CCDC7: variants seen among roughly 807,000 people sequenced by gnomAD.
CCDC7 encodes coiled-coil domain-containing protein 7.
CCDC7 carries 183 observed loss-of-function variants against 196.9 expected under a neutral mutation model. The ratio of observed to expected loss-of-function variants is 0.93; its 90% CI spans 0.82 to 1.05. The LOEUF is 1.05. Ranked by LOEUF, CCDC7 falls within the 50% of genes least tolerant of loss-of-function variation. The probability of loss-of-function intolerance (pLI) is 0.00; values close to 1 mark genes in which losing one functional copy is unlikely to be tolerated. For synonymous variants in CCDC7, 525 were observed against 484.6 expected, an observed-to-expected ratio of 1.08 and a Z score of -1.10; for missense variants, 1,540 against 1,482.2, an observed-to-expected ratio of 1.04 and a Z score of -0.64.
intron 12 of CCDC7, 29 bp downstream of exon 13, chr10:32,543,414 T>C: frequency 7.8e-7 from 1 of 1,277,330 alleles, no homozygotes; most frequent in Non-Finnish European, 1.0e-6. Flanking sequence ...TGTTAATCTT[T>C]TTTTCCTTGT....
upstream of CCDC7, among the ~76,000 whole-genome samples, chr10:32,443,531 T>A (rs2133180603): frequency 6.6e-6 from 1 of 152,346 alleles, no homozygotes; most frequent in East Asian, 1.9e-4. Context: ...ATTTTTTTTC[T>A]CTCAATGATA....
chr10:32,651,426 G>A (rs1581326), intron 20 of CCDC7, among the ~76,000 whole-genome samples: 124,407 of 152,090 alleles, frequency 0.82, 51,948 homozygotes, highest in Non-Finnish European at 0.92. Context: ...TGTGAGCTCT[G>A]TCTATGAGAG....
At chr10:32,581,690 G>A (rs1590146308) in intron 16 of CCDC7, among the ~76,000 whole-genome samples, 1 of 152,220 alleles carries the variant, frequency 6.6e-6, no homozygotes, top group South Asian at 2.1e-4. Context: ...TAAATGTACA[G>A]TATATTAGCA....
intron 25 of CCDC7, among the ~76,000 whole-genome samples, chr10:32,715,127 C>T (rs568631336): frequency 6.6e-6 from 1 of 152,344 alleles, no homozygotes; most frequent in South Asian, 2.1e-4. Flanking sequence ...CAGGGGTCAA[C>T]AGACACCTCA....
At chr10:32,779,050 C>T in exon 29 of CCDC7, 3 of 1,549,952 alleles carry the variant, frequency 1.9e-6, no homozygotes, top group Non-Finnish European at 2.6e-6. Flanking sequence ...CAATTAGCGA[C>T]CTAATAATTC....
At chr10:32,796,154 T>C (rs925851334) in intron 29 of CCDC7, among the ~76,000 whole-genome samples, 3 of 152,100 alleles carry the variant, frequency 2.0e-5, no homozygotes, top group Non-Finnish European at 1.5e-5. Context: ...CAAGTCGCTG[T>C]CTGCTTTGAG....
chr10:32,741,018 C>G (rs2085747506), intron 28 of CCDC7, among the ~76,000 whole-genome samples: 1 of 151,856 alleles, frequency 6.6e-6, no homozygotes, highest in South Asian at 2.1e-4. Flanking sequence ...AAAATATTCT[C>G]CTAATTATTA....
At chr10:32,606,535 A>C (rs1045349324) in intron 18 of CCDC7, among the ~76,000 whole-genome samples, 1 of 152,240 alleles carries the variant, frequency 6.6e-6, no homozygotes, top group Admixed American at 6.5e-5. Flanking sequence ...CTGCACAGCC[A>C]CAGGGGCAGA....
chr10:32,545,731 C>A (rs1323693386), intron 13 of CCDC7, among the ~76,000 whole-genome samples: 1 of 151,884 alleles, frequency 6.6e-6, no homozygotes, highest in Non-Finnish European at 1.5e-5. Flanking sequence ...CACGGCAAAA[C>A]CCTGTCTCTA....
chr10:32,617,541 AC>A (rs1362895204), intron 18 of CCDC7, among the ~76,000 whole-genome samples: 4 of 151,596 alleles, frequency 2.6e-5, no homozygotes, highest in Non-Finnish European at 5.9e-5. Context: ...TTTTTCATTG[AC>A]CCAGTGATCA....
At chr10:32,746,632 T>C (rs1213797721) in intron 28 of CCDC7, among the ~76,000 whole-genome samples, 1 of 152,220 alleles carries the variant, frequency 6.6e-6, no homozygotes, top group Non-Finnish European at 1.5e-5. Context: ...TGCCTGGCTA[T>C]GTCTACTTGC....
intron 39 of CCDC7, among the ~76,000 whole-genome samples, chr10:32,850,565 A>G (rs1204868294): frequency 6.6e-6 from 1 of 152,194 alleles, no homozygotes; most frequent in Non-Finnish European, 1.5e-5. Context: ...TCAATCCACC[A>G]CAGTGTTCCT....
intron 31 of CCDC7, among the ~76,000 whole-genome samples, chr10:32,823,846 A>G (rs2090674778): frequency 6.6e-6 from 1 of 152,222 alleles, no homozygotes. Context: ...TACCACTACA[A>G]ATATTCCCGT....
intron 13 of CCDC7, among the ~76,000 whole-genome samples, chr10:32,561,195 A>G (rs1351361351): frequency 3.9e-5 from 6 of 152,210 alleles, no homozygotes; most frequent in African/African-American, 1.4e-4. Flanking sequence ...AAAGAGACTT[A>G]GACTCCCACA....
chr10:32,445,488 A>G (rs922387384), upstream of CCDC7, among the ~76,000 whole-genome samples: 5 of 152,170 alleles, frequency 3.3e-5, no homozygotes, highest in Admixed American at 3.3e-4. Flanking sequence ...TCATTTACAC[A>G]CAGGCATTAT....
At chr10:32,524,099 TTGTC>T (rs1451999297) in intron 11 of CCDC7, among the ~76,000 whole-genome samples, 4 of 151,712 alleles carry the variant, frequency 2.6e-5, no homozygotes, top group Admixed American at 2.0e-4. Flanking sequence ...GAAGGTGACT[TTGTC>T]TGGTGGTTTG....
chr10:32,470,556 A>G (rs993471682), intron 5 of CCDC7, among the ~76,000 whole-genome samples: 1 of 152,072 alleles, frequency 6.6e-6, no homozygotes, highest in African/African-American at 2.4e-5. Context: ...ATCTATTCCA[A>G]AGGTCTCAAG....
At chr10:32,580,686 T>G (rs1157472134) in intron 16 of CCDC7, among the ~76,000 whole-genome samples, 1 of 152,116 alleles carries the variant, frequency 6.6e-6, no homozygotes, top group Non-Finnish European at 1.5e-5. Context: ...ATTAGTATTT[T>G]ATTGATAATT....
chr10:32,588,166 T>A (rs953143643), intron 18 of CCDC7, among the ~76,000 whole-genome samples: 2 of 149,126 alleles, frequency 1.3e-5, no homozygotes, highest in African/African-American at 4.8e-5. Context: ...CTCCTCAACT[T>A]TGAAATCCCC....
Sources: gnomAD v4.1 joint callset for allele counts (sites outside exome capture counted in the v4.1 genomes callset) on GRCh38, gnomAD v4.1.1 for gene constraint, MANE v1.5 for transcripts, NCBI Gene and HGNC (gene_info 2026-07-23, HGNC 2026-07-21) for gene names.